The following DNAH11 variants were observed in gnomAD, a reference collection of about 807,000 sequenced individuals.
DNAH11 encodes axonemal beta dynein heavy chain 11.
DNAH11 carries 442 observed loss-of-function variants against 526.0 expected under a neutral mutation model. That is an observed-to-expected ratio of 0.84 (90% CI 0.78 to 0.91). DNAH11 has a LOEUF of 0.91. DNAH11 is among the 40% of genes least tolerant of loss of function. The pLI is 0.00. For synonymous variants in DNAH11, 2,461 were observed against 1,935.9 expected (o/e 1.27, Z -7.12); for missense variants, 6,989 against 5,448.7 (o/e 1.28, Z -8.90).
chr7:21,603,948 A>G (rs922462449), intron 18 of DNAH11, among the ~76,000 whole-genome samples: 1 of 152,214 alleles, frequency 6.6e-6, no homozygotes, highest in Admixed American at 6.5e-5. Flanking sequence ...TTTCAAAAGC[A>G]GAATACAATT....
At chr7:21,826,000 T>C (rs957136695) in intron 65 of DNAH11, among the ~76,000 whole-genome samples, 2 of 150,358 alleles carry the variant, frequency 1.3e-5, no homozygotes, top group African/African-American at 4.9e-5. Context: ...ATAATAGACA[T>C]TAGAGACTCT....
At chr7:21,548,271 T>A (rs1211906027) in intron 2 of DNAH11, among the ~76,000 whole-genome samples, 3 of 152,192 alleles carry the variant, frequency 2.0e-5, no homozygotes, top group African/African-American at 7.2e-5. Flanking sequence ...TGCAAGCCTG[T>A]TTTCTCAGGC....
chr7:21,864,510 CT>C, intron 69 of DNAH11, 24 bp from the exon 70 acceptor site: 1 of 1,606,410 alleles, frequency 6.2e-7, no homozygotes. Context: ...CCTAATAATC[CT>C]TTTCAATTTT....
chr7:21,614,228 G>C (rs928263428), intron 20 of DNAH11, among the ~76,000 whole-genome samples: 1 of 152,168 alleles, frequency 6.6e-6, no homozygotes, highest in Non-Finnish European at 1.5e-5. Context: ...GTTGGATCTT[G>C]GGAGGAGGAT....
chr7:21,650,543 CT>C (rs573023157), intron 28 of DNAH11, among the ~76,000 whole-genome samples: 29,923 of 136,518 alleles, frequency 0.22, 3,335 homozygotes, highest in African/African-American at 0.33. Flanking sequence ...TCTAGAAGGC[CT>C]TTTTTTTTTT....
intron 2 of DNAH11, among the ~76,000 whole-genome samples, chr7:21,547,020 T>C (rs1782827916): frequency 6.6e-6 from 1 of 152,212 alleles, no homozygotes; most frequent in East Asian, 1.9e-4. Flanking sequence ...AACCTTACTT[T>C]GGTTCATAGA....
At chr7:21,846,740 A>G (rs937419595) in intron 66 of DNAH11, among the ~76,000 whole-genome samples, 1 of 152,084 alleles carries the variant, frequency 6.6e-6, no homozygotes, top group African/African-American at 2.4e-5. Context: ...GAGATAGGAA[A>G]TGTTCCCTCT....
intron 43 of DNAH11, among the ~76,000 whole-genome samples, chr7:21,718,451 CACT>C (rs1413967783): frequency 5.9e-5 from 9 of 152,282 alleles, no homozygotes; most frequent in African/African-American, 2.2e-4. Context: ...TAGGTGCCAC[CACT>C]CACAGGCCTC....
At chr7:21,595,801 G>A (rs1476112071) in intron 14 of DNAH11, among the ~76,000 whole-genome samples, 5 of 152,052 alleles carry the variant, frequency 3.3e-5, no homozygotes, top group Non-Finnish European at 5.9e-5. Context: ...TGTGATCACC[G>A]AGAACATGAG....
At chr7:21,653,423 T>C (rs1781871458) in intron 28 of DNAH11, among the ~76,000 whole-genome samples, 1 of 152,142 alleles carries the variant, frequency 6.6e-6, no homozygotes, top group Admixed American at 6.5e-5. Flanking sequence ...CTGCCTAAGA[T>C]TTGTGTTTCC....
At chr7:21,606,772 G>A (rs1219987581) in intron 20 of DNAH11, 39 bp downstream of exon 20, 2 of 1,508,034 alleles carry the variant, frequency 1.3e-6, no homozygotes, top group Admixed American at 1.9e-5. Flanking sequence ...CATTAAAATA[G>A]CTACTTTAAA....
rs572989501 is a variant in DNAH11, at chr7:21,739,261, C to T, written c.7812-310C>T. ...GACAATTAACTACAGGGACAGCCCC[C>T]AGCACATCCATGGAGTCTTGCTATG... On this transcript the variant is annotated intron_variant, in intron 47 of 81. Coordinates refer to ENST00000409508, the MANE Select transcript of DNAH11 (RefSeq NM_001277115.2). Among the ~76,000 whole-genome samples, 114 of 152,174 alleles carry T rather than the reference C, an allele frequency of 7.5e-4. 1 individual carries two copies. The highest frequency in any genetic ancestry group is 1.2e-3 in the Non-Finnish European group (83 of 68,020).
intron 65 of DNAH11, among the ~76,000 whole-genome samples, chr7:21,824,131 A>G (rs946341341): frequency 2.0e-5 from 3 of 152,154 alleles, no homozygotes; most frequent in African/African-American, 2.4e-5. Context: ...AGGCAGAAAA[A>G]ATGTCCTATA....
intron 68 of DNAH11, among the ~76,000 whole-genome samples, chr7:21,858,291 C>G (rs542026535): frequency 2.6e-5 from 4 of 152,112 alleles, no homozygotes; most frequent in Non-Finnish European, 4.4e-5. Context: ...ATGCAATAAA[C>G]CATTTTGGAA....
chr7:21,728,362 A>G (rs374331964), intron 45 of DNAH11, among the ~76,000 whole-genome samples: 6 of 143,404 alleles, frequency 4.2e-5, no homozygotes, highest in African/African-American at 1.6e-4. Flanking sequence ...GCTTCAAGCA[A>G]TTCTCCTGCC....
intron 36 of DNAH11, 25 bp from the exon 37 acceptor site, chr7:21,702,685 G>A: frequency 6.2e-7 from 1 of 1,603,666 alleles, no homozygotes; most frequent in Non-Finnish European, 8.5e-7. Context: ...CAATTTTTGA[G>A]AAAATAAACC....
chr7:21,744,741 G>A, intron 50 of DNAH11, 129 bp from the exon 51 acceptor site: 1 of 1,431,862 alleles, frequency 7.0e-7, no homozygotes, highest in Non-Finnish European at 9.4e-7. Flanking sequence ...CTTGGTCTAT[G>A]CTTGGGAACA....
intron 2 of DNAH11, among the ~76,000 whole-genome samples, chr7:21,556,865 C>A (rs966910983): frequency 6.6e-6 from 1 of 152,076 alleles, no homozygotes; most frequent in Non-Finnish European, 1.5e-5. Context: ...AGTTTGAAAC[C>A]AGCCTGACCA....
chr7:21,745,036 T>C lies in DNAH11; in HGVS notation c.8483T>C (p.Val2828Ala). 6.2e-7 allele frequency: 1 copy of C among 1,609,154 alleles called. No individual in the cohort carries two copies. Among genetic ancestry groups the C allele is most frequent in the Non-Finnish European group, 8.5e-7 (1 of 1,177,682 alleles). ...GAACTAAATGCTGCCATGCACCTAG[T>C]TTTGTTTGAAGATGCCATGCAACAT... ...YNELNAAMHL[V>A]LFEDAMQHVC... The change falls in exon 51 of 82, where the codon GTT becomes GCT. Residue 2828 changes from valine (V) to alanine (A), a missense_variant. Coordinates refer to ENST00000409508, the MANE Select transcript of DNAH11 (RefSeq NM_001277115.2).
Sources: gnomAD v4.1 joint callset for allele counts (sites outside exome capture counted in the v4.1 genomes callset) on GRCh38, gnomAD v4.1.1 for gene constraint, MANE v1.5 for transcripts, NCBI Gene and HGNC (gene_info 2026-07-23, HGNC 2026-07-21) for gene names.